ADGRV1: variants seen among roughly 807,000 people sequenced by gnomAD.
ADGRV1 encodes adhesion G protein-coupled receptor V1.
ADGRV1 carries 359 observed loss-of-function variants against 596.2 expected under a neutral mutation model. The observed-to-expected ratio is 0.60, with a 90% CI of 0.55 to 0.66. ADGRV1 has a LOEUF of 0.66. Among genes scored for constraint, ADGRV1 ranks in the 30% least tolerant of loss-of-function variants. The pLI, the probability that ADGRV1 is intolerant of heterozygous loss-of-function variation, is 0.00. For synonymous variants in ADGRV1, 2,681 were observed against 2,679.2 expected (o/e 1.00, Z -0.02); for missense variants, 7,274 against 7,575.6 (o/e 0.96, Z 1.48).
Position 91,150,102 on chromosome 5 carries a change from G to A in ADGRV1, c.18505G>A (p.Val6169Met). The part of the protein sequence containing the change: ...MCCPMKASYT[V>M]EMNGHPGPST... ...TTGCCCTATGAAGGCCAGTTACACTGTGGAAATGAATGGGCATCCTGGACC... is the reference window on the plus strand; with the variant it reads ...TTGCCCTATGAAGGCCAGTTACACTATGGAAATGAATGGGCATCCTGGACC... Residue 6169 changes from valine (V) to methionine (M), a missense_variant, in exon 88 of 90, where the codon GTG (valine) becomes ATG (methionine). By Grantham distance (21) the Val-to-Met change is conservative (BLOSUM62 1). This residue lies in a region of ADGRV1 where 1,874 missense variants were observed against 1,970.2 expected (regional missense o/e 0.95). Transcript: ENST00000405460. 1 of 1,569,416 alleles carries A rather than the reference G, an allele frequency of 6.4e-7. No individual in the cohort carries two copies. Among genetic ancestry groups the A allele is most frequent in the Non-Finnish European group, 8.6e-7 (1 of 1,158,240 alleles).
intron 86 of ADGRV1, among the ~76,000 whole-genome samples, chr5:91,083,474 A>G (rs1789595624): frequency 6.6e-6 from 1 of 152,202 alleles, no homozygotes; most frequent in South Asian, 2.1e-4. Flanking sequence ...ATAAAACTCA[A>G]GTGAATAGAA....
chr5:90,705,588 T>TA lies in ADGRV1; in HGVS notation c.8566+10dup, dbSNP rs1481081474. On this transcript the variant is annotated intron_variant, in intron 37 of 89. Transcript: ENST00000405460. ...AGAATTTGGATCTCTAGGTTTGTGTTACTCTAGAATGAATGGGGTTTCCAG... is the reference window on the plus strand; with the variant it reads ...AGAATTTGGATCTCTAGGTTTGTGTTAACTCTAGAATGAATGGGGTTTCCAG... 4.4e-6 allele frequency: 7 copies of TA among 1,607,508 alleles called. No homozygotes were observed. The highest frequency in any genetic ancestry group is 1.8e-4 in the Middle Eastern group (1 of 5,650).
intron 2 of ADGRV1, 21 bp from the exon 3 acceptor site, chr5:90,617,783 T>G (rs1461816785): frequency 6.4e-7 from 1 of 1,572,720 alleles, no homozygotes; most frequent in Admixed American, 1.9e-5. Context: ...ATAAGAATGA[T>G]CTATATTTTG....
At chr5:90,671,049 C>T (rs1772394511) in intron 21 of ADGRV1, among the ~76,000 whole-genome samples, 1 of 152,152 alleles carries the variant, frequency 6.6e-6, no homozygotes, top group Non-Finnish European at 1.5e-5. Flanking sequence ...CCTCAAGTAG[C>T]TGGCCTCATA....
At chr5:90,976,294 GTA>G (rs199981858) in intron 84 of ADGRV1, among the ~76,000 whole-genome samples, 16 of 104,570 alleles carry the variant, frequency 1.5e-4, no homozygotes, top group Admixed American at 9.7e-4. Context: ...GTATGTGTGT[GTA>G]TATGTGTGTG....
At chr5:91,048,073 T>A (rs527641295) in intron 85 of ADGRV1, among the ~76,000 whole-genome samples, 1 of 152,302 alleles carries the variant, frequency 6.6e-6, no homozygotes, top group Non-Finnish European at 1.5e-5. Context: ...CCCTGCCTCT[T>A]TACACTTCTG....
intron 83 of ADGRV1, among the ~76,000 whole-genome samples, chr5:90,935,399 G>A (rs1407796724): frequency 6.6e-6 from 1 of 152,170 alleles, no homozygotes; most frequent in Non-Finnish European, 1.5e-5. Context: ...CTAGAGCTTT[G>A]CATCTCTCTG....
chr5:91,028,331 G>A (rs573371682), intron 85 of ADGRV1, among the ~76,000 whole-genome samples: 9 of 152,042 alleles, frequency 5.9e-5, no homozygotes, highest in East Asian at 3.9e-4. Flanking sequence ...CTGGATTATG[G>A]TCCTGGTTTG....
intron 71 of ADGRV1, among the ~76,000 whole-genome samples, chr5:90,803,186 C>T (rs1318988805): frequency 6.6e-6 from 1 of 152,000 alleles, no homozygotes; most frequent in Non-Finnish European, 1.5e-5. Context: ...CACTTTTTCG[C>T]ATACTAACAT....
At chr5:91,024,670 C>G (rs1783884369) in intron 85 of ADGRV1, among the ~76,000 whole-genome samples, 1 of 152,118 alleles carries the variant, frequency 6.6e-6, no homozygotes, top group Non-Finnish European at 1.5e-5. Context: ...AAAAAAGTTA[C>G]TTTGTTCTCT....
intron 87 of ADGRV1, among the ~76,000 whole-genome samples, chr5:91,121,847 A>C (rs542510101): frequency 1.3e-5 from 2 of 152,330 alleles, no homozygotes; most frequent in Non-Finnish European, 2.9e-5. Flanking sequence ...AGAGTTGAGC[A>C]ACTCTAAAGC....
At chr5:90,697,498 G>T (rs550834315) in intron 34 of ADGRV1, among the ~76,000 whole-genome samples, 1 of 147,714 alleles carries the variant, frequency 6.8e-6, no homozygotes, top group East Asian at 1.9e-4. Context: ...GCTTAGCATA[G>T]TTCCTGGCAA....
At chr5:90,864,248 C>T (rs1042079444) in intron 83 of ADGRV1, among the ~76,000 whole-genome samples, 6 of 152,118 alleles carry the variant, frequency 3.9e-5, no homozygotes, top group African/African-American at 1.4e-4. Context: ...TTTAAAGCAT[C>T]TGGACACTAT....
At chr5:90,675,205 T>A (rs779111220) in intron 23 of ADGRV1, 38 bp from the exon 24 acceptor site, 1 of 1,564,294 alleles carries the variant, frequency 6.4e-7, no homozygotes, top group Admixed American at 1.7e-5. Context: ...CTTGCACAGT[T>A]CATTGGGACA....
At chr5:90,805,246 G>C in intron 71 of ADGRV1, 38 bp from the exon 72 acceptor site, 1 of 1,578,152 alleles carries the variant, frequency 6.3e-7, no homozygotes, top group East Asian at 2.3e-5. Flanking sequence ...GGAAGGTTTA[G>C]AGAGAAATAA....
rs115630228 is a variant in ADGRV1, at chr5:91,083,590, C to T, written c.18310+10986C>T. Among the ~76,000 whole-genome samples, 827 of 152,166 alleles carry T rather than the reference C, an allele frequency of 5.4e-3. 6 individuals carry two copies. Among genetic ancestry groups the T allele is most frequent in the African/African-American group, 0.019 (789 of 41,508 alleles). ...AGTGTGAATATCACTGGGCCAGAGG[C>T]GGTAACAAACTTTGATCCTCACAGA... is the stretch of plus-strand genomic sequence containing the variant. On this transcript the variant is annotated intron_variant, in intron 86 of 89. Transcript: ENST00000405460.
At chr5:90,904,184 C>T (rs1462893838) in intron 83 of ADGRV1, among the ~76,000 whole-genome samples, 1 of 152,104 alleles carries the variant, frequency 6.6e-6, no homozygotes, top group Non-Finnish European at 1.5e-5. Flanking sequence ...TAGGTTACTT[C>T]CAAATCTTGG....
chr5:91,051,610 G>A (rs907080556), intron 85 of ADGRV1, among the ~76,000 whole-genome samples: 5 of 142,586 alleles, frequency 3.5e-5, no homozygotes, highest in Admixed American at 7.6e-5. Context: ...GCAGTGGCGC[G>A]ATCTCGGCTC....
intron 84 of ADGRV1, among the ~76,000 whole-genome samples, chr5:90,979,741 G>T (rs146358021): frequency 1.3e-5 from 2 of 152,104 alleles, no homozygotes; most frequent in African/African-American, 4.8e-5. Context: ...CACAGTGTTA[G>T]GAAATTATGA....
Sources: gnomAD v4.1 joint callset for allele counts (sites outside exome capture counted in the v4.1 genomes callset) on GRCh38, gnomAD v4.1.1 for gene constraint, gnomAD v4.1.1 regional missense constraint, MANE v1.5 for transcripts, NCBI Gene and HGNC (gene_info 2026-07-23, HGNC 2026-07-21) for gene names.